Variants in PREX2 observed in about 807,000 individuals in gnomAD.
The protein encoded by PREX2 is phosphatidylinositol 3,4,5-trisphosphate-dependent Rac exchanger 2 protein.
Under a neutral mutation model 203.2 loss-of-function variants are expected in PREX2, and 107 were observed. The ratio of observed to expected loss-of-function variants is 0.53; its 90% confidence interval spans 0.45 to 0.62. The LOEUF is 0.62. Among genes scored for constraint, PREX2 ranks in the 20% least tolerant of loss-of-function variants. The pLI, the probability that PREX2 is intolerant of heterozygous loss-of-function variation, is 0.00. For synonymous variants in PREX2, 672 were observed against 663.6 expected, an observed-to-expected ratio of 1.01 and a Z score of -0.19; for missense variants, 1,777 against 1,955.9, an observed-to-expected ratio of 0.91 and a Z score of 1.72.
chr8:68,027,337 T>TA lies in PREX2; in HGVS notation c.543+15dup. 6.9e-7 allele frequency: 1 copy of TA among 1,444,196 alleles called. No individual in the cohort carries two copies. Among genetic ancestry groups the TA allele is most frequent in the South Asian group, 1.2e-5 (1 of 86,736 alleles). The allele number at this position is 1,444,196 out of a possible 1,614,324, so 89.5% of individuals were successfully genotyped here. ...CTTATTTTGAAGGTATTTTATGTGC[T>TA]ACCTCATTGTAGCCATTTTCTTGTA... is the stretch of plus-strand genomic sequence containing the variant. On this transcript the variant is annotated intron_variant, in intron 5 of 39. Coordinates refer to ENST00000288368, the MANE Select transcript of PREX2 (RefSeq NM_024870.4).
chr8:68,217,363 T>G (rs910522572), intron 37 of PREX2, among the ~76,000 whole-genome samples: 17 of 152,242 alleles, frequency 1.1e-4, no homozygotes, highest in African/African-American at 3.9e-4. Flanking sequence ...TATTTAATTT[T>G]CTGTAGATAA....
chr8:68,188,520 C>T (rs1354271272), intron 35 of PREX2, among the ~76,000 whole-genome samples: 1 of 152,140 alleles, frequency 6.6e-6, no homozygotes, highest in Non-Finnish European at 1.5e-5. Flanking sequence ...AGTCTGTTCT[C>T]ATGTTGCTAA....
intron 36 of PREX2, 44 bp from the exon 37 acceptor site, chr8:68,192,291 T>C (rs1812311087): frequency 1.3e-6 from 2 of 1,485,776 alleles, no homozygotes; most frequent in Admixed American, 2.1e-5. Flanking sequence ...AAAAGAATTT[T>C]ACTAAACATG....
At chr8:68,163,449 G>A (rs79966116) in intron 35 of PREX2, among the ~76,000 whole-genome samples, 488 of 152,216 alleles carry the variant, frequency 3.2e-3, no homozygotes, top group African/African-American at 0.011. Flanking sequence ...GAATTTCAAG[G>A]TAACACAAAA....
At chr8:68,091,135 G>A (rs562500820) in intron 20 of PREX2, among the ~76,000 whole-genome samples, 1 of 152,188 alleles carries the variant, frequency 6.6e-6, no homozygotes, top group South Asian at 2.1e-4. Context: ...AAAATTGTGG[G>A]TTTTATAAGG....
At chr8:67,994,829 G>A (rs1317136709) in intron 1 of PREX2, among the ~76,000 whole-genome samples, 1 of 152,136 alleles carries the variant, frequency 6.6e-6, no homozygotes, top group African/African-American at 2.4e-5. Context: ...TGTATGCCAG[G>A]AAGTGTAAAA....
chr8:68,054,962 G>T (rs1372142817), intron 9 of PREX2, among the ~76,000 whole-genome samples: 1 of 152,134 alleles, frequency 6.6e-6, no homozygotes, highest in African/African-American at 2.4e-5. Flanking sequence ...TATCAATAGT[G>T]CCTCCTAACT....
intron 18 of PREX2, among the ~76,000 whole-genome samples, chr8:68,086,513 A>G (rs1809696978): frequency 6.6e-6 from 1 of 152,180 alleles, no homozygotes; most frequent in Admixed American, 6.5e-5. Flanking sequence ...CTTGGGCGTC[A>G]AGGGCTATCT....
intron 2 of PREX2, 109 bp downstream of exon 2, chr8:68,018,026 A>G: frequency 1.3e-6 from 1 of 769,588 alleles, no homozygotes; most frequent in Non-Finnish European, 2.3e-6. Flanking sequence ...TTCCACTACA[A>G]GTTGCTGTTC....
At chr8:68,060,645 A>G (rs923069876) in intron 10 of PREX2, 34 bp from the exon 11 acceptor site, 1 of 1,490,234 alleles carries the variant, frequency 6.7e-7, no homozygotes, top group Non-Finnish European at 9.3e-7. Flanking sequence ...GAAAAAATTA[A>G]CCGTTTAGCT....
At chr8:68,164,337 G>T (rs1035782324) in intron 35 of PREX2, among the ~76,000 whole-genome samples, 1 of 147,128 alleles carries the variant, frequency 6.8e-6, no homozygotes, top group Admixed American at 6.9e-5. Context: ...AAGCAGAAAG[G>T]CCTTAATATG....
intron 1 of PREX2, among the ~76,000 whole-genome samples, chr8:68,001,965 GA>G (rs1474986899): frequency 1.3e-5 from 2 of 152,016 alleles, no homozygotes; most frequent in Non-Finnish European, 2.9e-5. Flanking sequence ...GGAGGAGGAA[GA>G]GGGGCAGAAA....
At chr8:68,187,204 C>A (rs758770884) in intron 35 of PREX2, among the ~76,000 whole-genome samples, 21 of 152,066 alleles carry the variant, frequency 1.4e-4, no homozygotes, top group Non-Finnish European at 7.4e-5. Context: ...CTAGTTAAGC[C>A]GTTTAAATGA....
At chr8:68,177,992 G>A (rs2129614381) in intron 35 of PREX2, among the ~76,000 whole-genome samples, 1 of 152,274 alleles carries the variant, frequency 6.6e-6, no homozygotes, top group South Asian at 2.1e-4. Flanking sequence ...TGGCTGCATA[G>A]TATTCCATGG....
At chr8:68,070,262 A>C (rs1353008239) in intron 13 of PREX2, among the ~76,000 whole-genome samples, 1 of 151,878 alleles carries the variant, frequency 6.6e-6, no homozygotes, top group African/African-American at 2.4e-5. Context: ...ATTAAATTGT[A>C]TAATCAAATA....
chr8:68,071,793 C>T (rs1809202130), intron 13 of PREX2, among the ~76,000 whole-genome samples: 2 of 152,078 alleles, frequency 1.3e-5, no homozygotes, highest in Admixed American at 1.3e-4. Flanking sequence ...CTTAGTGTGT[C>T]TACTTCAGGA....
Position 68,099,826 on chromosome 8 carries a change from A to C in PREX2, c.2698A>C (p.Ile900Leu). The change falls in exon 23 of 40, where the codon ATA becomes CTA. Residue 900 changes from isoleucine (I) to leucine (L), a missense_variant. Physicochemically the swap from Ile to Leu is conservative, Grantham distance 5. Transcript: ENST00000288368. ...AAGAATTGAACACCTATGTCAGAGA[A>C]TATCCAGTTATAAAAAGGTAAGTGT... ...SERIEHLCQR[I>L]SSYKKFSRVL... 6.2e-7 allele frequency: 1 copy of C among 1,611,078 alleles called. No individual in the cohort carries two copies. The highest frequency in any genetic ancestry group is 8.5e-7 in the Non-Finnish European group (1 of 1,177,334).
At chr8:68,228,738 C>T (rs1292101894) in intron 39 of PREX2, among the ~76,000 whole-genome samples, 1 of 151,546 alleles carries the variant, frequency 6.6e-6, no homozygotes, top group Non-Finnish European at 1.5e-5. Context: ...TGCACTCCAG[C>T]CTGGACGACA....
chr8:68,153,836 A>G (rs527619714), intron 34 of PREX2, among the ~76,000 whole-genome samples: 318 of 152,318 alleles, frequency 2.1e-3, no homozygotes, highest in Non-Finnish European at 3.4e-3. Context: ...CACTTTTCCA[A>G]TTTTTAAAAA....
Sources: gnomAD v4.1 joint callset for allele counts (sites outside exome capture counted in the v4.1 genomes callset) on GRCh38, gnomAD v4.1.1 for gene constraint, MANE v1.5 for transcripts, NCBI Gene and HGNC (gene_info 2026-07-23, HGNC 2026-07-21) for gene names.